The following FRY variants were observed in gnomAD, a reference collection of about 807,000 sequenced individuals.
FRY encodes the protein protein furry homolog.
Under a neutral mutation model 348.4 loss-of-function variants are expected in FRY, and 128 were observed. The observed-to-expected ratio is 0.37, with a 90% CI of 0.32 to 0.43. The LOEUF is 0.43. Ranked by LOEUF, FRY falls within the 20% of genes least tolerant of loss-of-function variation. The pLI is 1.00. For missense variants in FRY, 2,736 were observed against 3,695.2 expected, an observed-to-expected ratio of 0.74 and a Z score of 6.73; for synonymous variants, 1,370 against 1,374.7, an observed-to-expected ratio of 1.00 and a Z score of 0.08.
Position 32,187,598 on chromosome 13 carries a change from C to G in FRY, c.3533C>G (p.Ser1178Cys). The G allele has an allele frequency of 5.0e-6, 8 of 1,612,622 alleles. No homozygotes were observed. Among genetic ancestry groups the G allele is most frequent in the Non-Finnish European group, 6.8e-6 (8 of 1,178,688 alleles). The part of the protein sequence containing the change: ...CGPVFDNVGL[S>C]PDGYLYKWLD... ...CCTGTCTTTGACAATGTGGGCCTTT[C>G]CCCAGATGGCTACCTATATAAATGG... is the stretch of plus-strand genomic sequence containing the variant. The change falls in exon 28 of 61, where the codon TCC becomes TGC. Residue 1178 changes from serine to cysteine, a missense_variant. Transcript: ENST00000542859.
chr13:32,251,181 A>G (rs971983560), intron 49 of FRY, among the ~76,000 whole-genome samples: 2 of 152,206 alleles, frequency 1.3e-5, no homozygotes, highest in East Asian at 1.9e-4. Context: ...CAACTCACCA[A>G]TCATTCTGAG....
rs1349856960 is a variant in FRY, at chr13:32,202,490, C to T, written c.3981C>T (p.Ala1327=). 8 of 1,613,852 alleles carry T rather than the reference C, an allele frequency of 5.0e-6. No individual in the cohort carries two copies. Among genetic ancestry groups the T allele is most frequent in the Non-Finnish European group, 6.8e-6 (8 of 1,179,788 alleles). The part of the protein sequence containing the change: ...VSLALLSCEL[A]RMYPELTLPL... The stretch of plus-strand genomic sequence containing the variant: ...TTGCCCTCTTGTCATGTGAGCTGGC[C>T]AGGATGTACCCTGAGCTCACACTCC... Residue 1327 remains alanine (A), a synonymous_variant, in exon 31 of 61, where the codon GCC becomes GCT. Transcript: ENST00000542859.
At chr13:32,095,148 T>G (rs1008419257) in intron 2 of FRY, among the ~76,000 whole-genome samples, 7 of 152,192 alleles carry the variant, frequency 4.6e-5, no homozygotes, top group Non-Finnish European at 8.8e-5. Flanking sequence ...TGTATTCTTT[T>G]AAGAAATGTC....
chr13:32,094,448 G>T (rs886448387), intron 2 of FRY, among the ~76,000 whole-genome samples: 2 of 151,820 alleles, frequency 1.3e-5, no homozygotes, highest in African/African-American at 4.8e-5. Context: ...CAAATACTAG[G>T]TCTTATTCAT....
intron 35 of FRY, among the ~76,000 whole-genome samples, chr13:32,213,021 A>C (rs982713576): frequency 1.3e-5 from 2 of 152,190 alleles, no homozygotes; most frequent in Non-Finnish European, 2.9e-5. Context: ...ACAAAACTCA[A>C]TTTAAAAAAA....
In FRY at chr13:32,231,327, C is replaced by A; in HGVS notation, c.5527+27C>A. On this transcript the variant is annotated intron_variant, in intron 41 of 60. Transcript: ENST00000542859. Reference sequence around the variant, plus strand: ...TACTTCATCTTATTTGCACAGATCCCTCTTTCAGCATTGTTCTGTAATGGA... The same window carrying A: ...TACTTCATCTTATTTGCACAGATCCATCTTTCAGCATTGTTCTGTAATGGA... 3 of 1,609,502 alleles carry A rather than the reference C, an allele frequency of 1.9e-6. No homozygotes were observed. In the South Asian group the frequency reaches 3.3e-5, roughly 18 times the overall value.
chr13:32,034,654 C>CT (rs1394999914), intron 1 of FRY, among the ~76,000 whole-genome samples: 1 of 152,214 alleles, frequency 6.6e-6, no homozygotes, highest in Non-Finnish European at 1.5e-5. Flanking sequence ...TCCACATGCC[C>CT]TTCTCAGTTT....
chr13:32,157,668 T>C (rs555572787), intron 16 of FRY, among the ~76,000 whole-genome samples: 116 of 152,330 alleles, frequency 7.6e-4, no homozygotes, highest in Middle Eastern at 3.4e-3. Context: ...TCCATGTTTT[T>C]CAGAAATGGC....
intron 4 of FRY, among the ~76,000 whole-genome samples, chr13:32,123,861 C>T (rs796333603): frequency 1.3e-5 from 2 of 152,080 alleles, no homozygotes; most frequent in African/African-American, 4.8e-5. Flanking sequence ...GATGGAGTCT[C>T]GCTCTGCCTC....
intron 1 of FRY, among the ~76,000 whole-genome samples, chr13:32,055,408 C>T (rs1012502533): frequency 1.3e-5 from 2 of 152,162 alleles, no homozygotes; most frequent in African/African-American, 4.8e-5. Flanking sequence ...TTACTAAATA[C>T]TCTGTTCTCT....
At chr13:32,156,726 C>T (rs967929984) in intron 15 of FRY, among the ~76,000 whole-genome samples, 3 of 152,024 alleles carry the variant, frequency 2.0e-5, no homozygotes, top group South Asian at 2.1e-4. Context: ...TATACACATT[C>T]GTCTTCCAGT....
intron 29 of FRY, among the ~76,000 whole-genome samples, chr13:32,200,075 T>C (rs1204408242): frequency 6.6e-6 from 1 of 152,142 alleles, no homozygotes; most frequent in Non-Finnish European, 1.5e-5. Flanking sequence ...CCTCCTCTTA[T>C]AAAGCTACTG....
chr13:32,109,174 GA>G (rs1877784966), intron 3 of FRY, among the ~76,000 whole-genome samples: 2 of 152,182 alleles, frequency 1.3e-5, no homozygotes, highest in African/African-American at 4.8e-5. Context: ...CATTGGTTGA[GA>G]AAAGGAGAAA....
intron 2 of FRY, among the ~76,000 whole-genome samples, chr13:32,096,020 T>G (rs1015223069): frequency 4.0e-5 from 6 of 151,770 alleles, no homozygotes; most frequent in African/African-American, 1.5e-4. Flanking sequence ...CCTTTTTTCC[T>G]CCCTTCCCTC....
At chr13:32,176,650 G>A (rs552848355) in intron 20 of FRY, among the ~76,000 whole-genome samples, 47 of 152,310 alleles carry the variant, frequency 3.1e-4, no homozygotes, top group Non-Finnish European at 6.0e-4. Context: ...TTTGTTTAAT[G>A]TACGTATCCT....
At chr13:32,038,223 A>G (rs1872617195) in intron 1 of FRY, among the ~76,000 whole-genome samples, 1 of 152,208 alleles carries the variant, frequency 6.6e-6, no homozygotes, top group Non-Finnish European at 1.5e-5. Flanking sequence ...TCAGATTTAA[A>G]TGAACAAATA....
intron 2 of FRY, among the ~76,000 whole-genome samples, chr13:32,096,660 A>G (rs1876741959): frequency 1.3e-5 from 2 of 151,956 alleles, no homozygotes; most frequent in Admixed American, 6.6e-5. Flanking sequence ...GCATGGTGGC[A>G]CGTGCCTGTA....
intron 1 of FRY, chr13:32,060,938 A>G (rs1873908595): frequency 2.7e-6 from 1 of 376,342 alleles, no homozygotes; most frequent in South Asian, 2.1e-5. Flanking sequence ...GCACCTGACT[A>G]AAAATACACC....
chr13:32,281,472 G>T (rs1405598150), intron 58 of FRY, among the ~76,000 whole-genome samples: 1 of 152,172 alleles, frequency 6.6e-6, no homozygotes, highest in Non-Finnish European at 1.5e-5. Context: ...AAGGAGGGAA[G>T]ATGCATAAAA....
Sources: allele counts gnomAD v4.1 joint callset (sites outside exome capture counted in the v4.1 genomes callset), GRCh38; gene constraint gnomAD v4.1.1; transcripts MANE v1.5; gene names NCBI Gene and HGNC (gene_info 2026-07-23, HGNC 2026-07-21).